The following MGAT5 variants were observed in gnomAD, a reference collection of about 807,000 sequenced individuals.
MGAT5 encodes the protein alpha-1,6-mannosylglycoprotein 6-beta-N-acetylglucosaminyltransferase.
In MGAT5, 30 loss-of-function variants were observed where a neutral mutation model predicts 94.3. The ratio of observed to expected loss-of-function variants is 0.32; its 90% confidence interval spans 0.24 to 0.43. MGAT5 has a LOEUF of 0.43. Among genes scored for constraint, MGAT5 ranks in the 20% least tolerant of loss-of-function variants. MGAT5 has a pLI of 1.00. For missense variants in MGAT5, 691 were observed against 905.5 expected (o/e 0.76, Z 3.04); for synonymous variants, 310 against 322.9 (o/e 0.96, Z 0.43).
chr2:134,258,618 T>G (rs905615176), intron 1 of MGAT5, among the ~76,000 whole-genome samples: 8 of 151,776 alleles, frequency 5.3e-5, no homozygotes, highest in African/African-American at 1.7e-4. Flanking sequence ...CTACTGGATT[T>G]TGTGTGTGTG....
intron 2 of MGAT5, among the ~76,000 whole-genome samples, chr2:134,273,318 C>T (rs1220885551): frequency 6.6e-6 from 1 of 152,200 alleles, no homozygotes; most frequent in Non-Finnish European, 1.5e-5. Context: ...ACCCCTCTGT[C>T]AACCCAAGAA....
intron 2 of MGAT5, among the ~76,000 whole-genome samples, chr2:134,295,062 A>G (rs10202994): frequency 0.54 from 81,416 of 152,106 alleles, 25,866 homozygotes; most frequent in Non-Finnish European, 0.71. Context: ...AGAAAGTAAA[A>G]ATGGCCTTGC....
At chr2:134,174,318 C>T (rs1688356606) in intron 1 of MGAT5, among the ~76,000 whole-genome samples, 1 of 152,222 alleles carries the variant, frequency 6.6e-6, no homozygotes, top group Non-Finnish European at 1.5e-5. Flanking sequence ...ATCTGAGAAA[C>T]ACATACTGCC....
chr2:134,128,220 AAAG>A (rs1160324103), intron 1 of MGAT5, among the ~76,000 whole-genome samples: 16 of 150,410 alleles, frequency 1.1e-4, no homozygotes, highest in East Asian at 4.0e-4. Flanking sequence ...GAAAAAAAAA[AAAG>A]AGAGAAAGAG....
intron 10 of MGAT5, among the ~76,000 whole-genome samples, chr2:134,365,765 A>C (rs1189499522): frequency 6.6e-6 from 1 of 152,160 alleles, no homozygotes; most frequent in Non-Finnish European, 1.5e-5. Context: ...CTGGTCTTGC[A>C]GTATCTAAGT....
chr2:134,323,823 A>T (rs959215804), intron 4 of MGAT5, among the ~76,000 whole-genome samples: 24 of 152,106 alleles, frequency 1.6e-4, no homozygotes, highest in Non-Finnish European at 4.4e-5. Flanking sequence ...AGCCATTCCA[A>T]GTGGTAGGAA....
chr2:134,146,445 A>G (rs1686924347), intron 1 of MGAT5, among the ~76,000 whole-genome samples: 1 of 151,962 alleles, frequency 6.6e-6, no homozygotes, highest in Non-Finnish European at 1.5e-5. Context: ...CTATAGTGCT[A>G]GTTACTTGGG....
chr2:134,239,413 T>A (rs1232422215), intron 1 of MGAT5, among the ~76,000 whole-genome samples: 1 of 152,224 alleles, frequency 6.6e-6, no homozygotes, highest in Non-Finnish European at 1.5e-5. Flanking sequence ...CCTAATCTGA[T>A]TACTACTAGA....
intron 1 of MGAT5, among the ~76,000 whole-genome samples, chr2:134,162,228 AG>A (rs961156918): frequency 6.6e-6 from 1 of 152,118 alleles, no homozygotes; most frequent in Non-Finnish European, 1.5e-5. Context: ...CTCTCCTTAA[AG>A]AAATGGTTCT....
intron 4 of MGAT5, among the ~76,000 whole-genome samples, chr2:134,333,653 T>C (rs1230250268): frequency 6.6e-6 from 1 of 152,102 alleles, no homozygotes; most frequent in African/African-American, 2.4e-5. Context: ...GGTAGCATCC[T>C]CTACTGGTGG....
chr2:134,284,221 G>A (rs1328929533), intron 2 of MGAT5, among the ~76,000 whole-genome samples: 1 of 152,164 alleles, frequency 6.6e-6, no homozygotes, highest in Admixed American at 6.6e-5. Context: ...ACTTTTAGCT[G>A]CCATACTGTT....
chr2:134,300,618 G>T (rs1056708821), intron 2 of MGAT5, among the ~76,000 whole-genome samples: 1 of 152,114 alleles, frequency 6.6e-6, no homozygotes, highest in Non-Finnish European at 1.5e-5. Context: ...CCAAGATGAA[G>T]ATTAAACTTT....
At chr2:134,376,276 TTCTC>T (rs1158349968) in intron 10 of MGAT5, among the ~76,000 whole-genome samples, 3 of 152,088 alleles carry the variant, frequency 2.0e-5, no homozygotes, top group African/African-American at 4.8e-5. Flanking sequence ...TTTTCATTCT[TTCTC>T]TTTCTTTCCC....
At chr2:134,141,352 C>T (rs1362208187) in intron 1 of MGAT5, among the ~76,000 whole-genome samples, 1 of 152,158 alleles carries the variant, frequency 6.6e-6, no homozygotes, top group Non-Finnish European at 1.5e-5. Flanking sequence ...TTTTTGTCTG[C>T]CTCCATTGAT....
intron 2 of MGAT5, among the ~76,000 whole-genome samples, chr2:134,279,662 C>T (rs1240416331): frequency 3.3e-5 from 5 of 152,210 alleles, no homozygotes; most frequent in Admixed American, 3.3e-4. Context: ...TGCGTCTACT[C>T]AGGGTTGTTC....
intron 13 of MGAT5, among the ~76,000 whole-genome samples, chr2:134,423,338 TGTA>T (rs1684401262): frequency 6.6e-6 from 1 of 152,254 alleles, no homozygotes; most frequent in Non-Finnish European, 1.5e-5. Context: ...TATCTAAACA[TGTA>T]GTAGAATTTT....
intron 2 of MGAT5, among the ~76,000 whole-genome samples, chr2:134,278,060 G>A (rs969890663): frequency 2.6e-5 from 4 of 152,198 alleles, no homozygotes; most frequent in Non-Finnish European, 5.9e-5. Context: ...AGACATGGGA[G>A]CCATCTTTAA....
chr2:134,312,810 G>C (rs1334095794), intron 2 of MGAT5, among the ~76,000 whole-genome samples: 1 of 152,092 alleles, frequency 6.6e-6, no homozygotes, highest in African/African-American at 2.4e-5. Context: ...GGATTTTAAA[G>C]GCTTTCCTTT....
chr2:134,354,645 C>T (rs1679609475), intron 9 of MGAT5, among the ~76,000 whole-genome samples: 1 of 152,140 alleles, frequency 6.6e-6, no homozygotes. Flanking sequence ...TCACTGGCAC[C>T]ATCGTCGTCA....
Sources: allele counts gnomAD v4.1 joint callset (sites outside exome capture counted in the v4.1 genomes callset), GRCh38; gene constraint gnomAD v4.1.1; transcripts MANE v1.5; gene names NCBI Gene and HGNC (gene_info 2026-07-23, HGNC 2026-07-21).